Variants in EPHB1 observed in about 807,000 individuals in gnomAD.
The protein encoded by EPHB1 is EPH receptor B1.
Under a neutral mutation model 94.4 loss-of-function variants are expected in EPHB1, and 30 were observed. That is an observed-to-expected ratio of 0.32 (90% CI 0.24 to 0.43). The LOEUF is 0.43. Among genes scored for constraint, EPHB1 ranks in the 20% least tolerant of loss-of-function variants. The probability of loss-of-function intolerance (pLI) is 1.00; values close to 1 mark genes in which losing one functional copy is unlikely to be tolerated. For missense variants in EPHB1, 1,055 were observed against 1,308.3 expected (o/e 0.81, Z 2.99); for synonymous variants, 522 against 489.1 (o/e 1.07, Z -0.89).
At chr3:134,797,639 C>G (rs567180992) in intron 1 of EPHB1, among the ~76,000 whole-genome samples, 53 of 152,286 alleles carry the variant, frequency 3.5e-4, no homozygotes, top group Non-Finnish European at 6.5e-4. Context: ...CTCCCTGCCC[C>G]TCTTCTTGGC....
intron 12 of EPHB1, among the ~76,000 whole-genome samples, chr3:135,212,657 CT>C (rs1943057631): frequency 6.6e-6 from 1 of 152,126 alleles, no homozygotes; most frequent in South Asian, 2.1e-4. Context: ...TCCAGCAGCC[CT>C]AATTGTGCTG....
intron 1 of EPHB1, among the ~76,000 whole-genome samples, chr3:134,845,709 A>G (rs548081043): frequency 6.6e-6 from 1 of 152,344 alleles, no homozygotes; most frequent in Non-Finnish European, 1.5e-5. Flanking sequence ...TAACGGTTAT[A>G]TACATGCTCA....
At chr3:135,191,636 ATT>A (rs35439364) in intron 10 of EPHB1, among the ~76,000 whole-genome samples, 2 of 145,110 alleles carry the variant, frequency 1.4e-5, no homozygotes, top group Non-Finnish European at 1.5e-5. Flanking sequence ...GATTCAACAG[ATT>A]TTTTTTTTTT....
At chr3:135,009,350 G>A (rs1183433156) in intron 3 of EPHB1, among the ~76,000 whole-genome samples, 1 of 152,292 alleles carries the variant, frequency 6.6e-6, no homozygotes, top group South Asian at 2.1e-4. Context: ...AGAACCATTG[G>A]TCTGGGGTCT....
chr3:134,907,125 C>T (rs552258077), intron 1 of EPHB1, among the ~76,000 whole-genome samples: 2 of 152,304 alleles, frequency 1.3e-5, no homozygotes, highest in African/African-American at 2.4e-5. Flanking sequence ...GTACCTCATT[C>T]GATCTTCAAA....
intron 1 of EPHB1, among the ~76,000 whole-genome samples, chr3:134,878,714 A>C (rs971022356): frequency 6.6e-6 from 1 of 152,216 alleles, no homozygotes; most frequent in African/African-American, 2.4e-5. Context: ...GTGTTTTCTG[A>C]ACTTCTGTTC....
At chr3:134,876,382 C>T (rs2037617100) in intron 1 of EPHB1, among the ~76,000 whole-genome samples, 1 of 152,168 alleles carries the variant, frequency 6.6e-6, no homozygotes, top group African/African-American at 2.4e-5. Flanking sequence ...GGAAATTCAA[C>T]TCAAAACAGC....
intron 3 of EPHB1, among the ~76,000 whole-genome samples, chr3:135,056,077 G>A (rs577767050): frequency 1.3e-5 from 2 of 152,344 alleles, no homozygotes; most frequent in East Asian, 1.9e-4. Flanking sequence ...GGAGAAGAAA[G>A]ACTGTCCATT....
At position 134,824,228 on chromosome 3, in the gene EPHB1, A is replaced by G. The variant is rs76809603; in HGVS notation, c.58+28539A>G. 7.2e-5 allele frequency among the ~76,000 whole-genome samples: 10 copies of G among 138,332 alleles called. No homozygotes were observed. In the East Asian group the frequency reaches 2.0e-3, roughly 28 times the overall value. The allele number at this position is 138,332 out of a possible 152,430, so 90.8% of individuals were successfully genotyped here. A position where few individuals can be genotyped will look rare whatever the true frequency, so the allele number is the denominator to read the frequency against. ...ATGGTGAGGCTGTTAATTCCCATTG[A>G]TATGGCGTATCAGGGTGGAGATGAC... is the stretch of plus-strand genomic sequence containing the variant. On this transcript the variant is annotated intron_variant, in intron 1 of 15. Transcript: ENST00000398015.
intron 10 of EPHB1, among the ~76,000 whole-genome samples, chr3:135,186,088 A>T (rs546958611): frequency 6.6e-6 from 1 of 152,226 alleles, no homozygotes; most frequent in African/African-American, 2.4e-5. Flanking sequence ...AGCTAATTAC[A>T]TATAAAATGT....
At chr3:134,860,150 G>GACACACACACACACACAGACACACACAC (rs1553858669) in intron 1 of EPHB1, among the ~76,000 whole-genome samples, 15 of 142,814 alleles carry the variant, frequency 1.1e-4, no homozygotes, top group Admixed American at 5.6e-4. Flanking sequence ...AGAAGGAAGG[G>GACACACACACACACACAGACACACACAC]ACACACACAC....
intron 3 of EPHB1, among the ~76,000 whole-genome samples, chr3:134,955,082 T>TTTTTTAA (rs1933204338): frequency 6.3e-5 from 2 of 31,892 alleles, no homozygotes; most frequent in South Asian, 2.6e-3. Flanking sequence ...TTTTTTTTTT[T>TTTTTTAA]TTTTTTTTTT....
intron 3 of EPHB1, among the ~76,000 whole-genome samples, chr3:134,991,825 G>A (rs1373238527): frequency 1.3e-5 from 2 of 152,254 alleles, no homozygotes; most frequent in South Asian, 4.2e-4. Context: ...TGTCCCCAGG[G>A]AGTCTTGCTG....
chr3:135,073,821 A>G (rs748164878), intron 3 of EPHB1, among the ~76,000 whole-genome samples: 3 of 151,636 alleles, frequency 2.0e-5, no homozygotes, highest in Admixed American at 6.6e-5. Context: ...TGTTTGTCCT[A>G]TGGAGCGTTC....
chr3:135,150,909 A>G (rs2107693853), intron 5 of EPHB1, among the ~76,000 whole-genome samples: 1 of 152,276 alleles, frequency 6.6e-6, no homozygotes, highest in East Asian at 1.9e-4. Flanking sequence ...TCTCCTCTCA[A>G]ACTGCTTCTA....
intron 3 of EPHB1, among the ~76,000 whole-genome samples, chr3:135,076,716 A>T (rs1374565045): frequency 6.6e-6 from 1 of 152,356 alleles, no homozygotes; most frequent in East Asian, 1.9e-4. Flanking sequence ...TGGTGAATGG[A>T]TAAACAAAAT....
intron 11 of EPHB1, among the ~76,000 whole-genome samples, chr3:135,198,600 C>T (rs1282239316): frequency 6.6e-6 from 1 of 152,158 alleles, no homozygotes; most frequent in Non-Finnish European, 1.5e-5. Flanking sequence ...CACACACACA[C>T]CCAGGAAGCC....
chr3:135,005,645 G>A (rs918350128), intron 3 of EPHB1, among the ~76,000 whole-genome samples: 15 of 152,348 alleles, frequency 9.8e-5, no homozygotes, highest in African/African-American at 3.4e-4. Context: ...GCCAGGTGCG[G>A]GATATAATCT....
chr3:135,179,741 C>A (rs1942101141), intron 9 of EPHB1, 119 bp from the exon 10 acceptor site: 1 of 1,221,314 alleles, frequency 8.2e-7, no homozygotes, highest in African/African-American at 1.5e-5. Context: ...AGAAAAGTTG[C>A]AGCCTGGTGT....
Sources: gnomAD v4.1 joint callset for allele counts (sites outside exome capture counted in the v4.1 genomes callset) on GRCh38, gnomAD v4.1.1 for gene constraint, MANE v1.5 for transcripts, NCBI Gene and HGNC (gene_info 2026-07-23, HGNC 2026-07-21) for gene names.